Variants in CLRN1 observed in about 807,000 individuals in gnomAD.
The protein encoded by CLRN1 is clarin 1, also known as clarin-1.
CLRN1 carries 15 observed loss-of-function variants against 18.7 expected under a neutral mutation model. The ratio of observed to expected loss-of-function variants is 0.80; its 90% CI spans 0.54 to 1.23. CLRN1 has a LOEUF of 1.23. Ranked by LOEUF, CLRN1 falls within the 50% of genes most tolerant of loss-of-function variation. The pLI is 0.00. For synonymous variants in CLRN1, 104 were observed against 102.9 expected (o/e 1.01, Z -0.07); for missense variants, 311 against 277.5 (o/e 1.12, Z -0.86).
intron 1 of CLRN1, among the ~76,000 whole-genome samples, chr3:150,970,866 G>A (rs867385961): frequency 2.6e-5 from 4 of 152,160 alleles, no homozygotes; most frequent in African/African-American, 7.2e-5. Context: ...AAAATCATTC[G>A]CTAAACCCCA....
intron 1 of CLRN1, chr3:150,945,715 G>C (rs940772989): frequency 9.0e-7 from 1 of 1,107,442 alleles, no homozygotes; most frequent in African/African-American, 1.6e-5. Flanking sequence ...TTAAAACTTT[G>C]AGATACCATT....
intron 1 of CLRN1, among the ~76,000 whole-genome samples, chr3:150,956,387 G>T: frequency 6.6e-6 from 1 of 152,090 alleles, no homozygotes; most frequent in East Asian, 1.9e-4. Flanking sequence ...CCCTCTCCAT[G>T]AAGTCTGGTA....
Position 150,941,745 on chromosome 3 carries a change from G to C in CLRN1, c.270C>G (p.Leu90=), listed in dbSNP as rs143232961. 3 of 1,614,020 alleles carry C rather than the reference G, an allele frequency of 1.9e-6. No individual in the cohort carries two copies. The East Asian group carries it at 6.7e-5, about 36-fold the overall frequency. ...CGTGGATGCTCACTGGGATTGCTTT[G>C]AGCAAATCTGGAAAAACTGAAGATA... is the stretch of plus-strand genomic sequence containing the variant. ...PFRFSFFPDL[L]KAIPVSIHVN... Residue 90 remains leucine (L), a synonymous_variant, in exon 2 of 3, where the codon CTC becomes CTG. Coordinates refer to ENST00000327047, the MANE Select transcript of CLRN1 (RefSeq NM_174878.3).
chr3:150,946,150 G>A (rs1714155160), intron 1 of CLRN1, among the ~76,000 whole-genome samples: 4 of 152,092 alleles, frequency 2.6e-5, no homozygotes, highest in Admixed American at 2.0e-4. Flanking sequence ...AATAAATGAA[G>A]ACATATGTGC....
chr3:150,931,696 T>C (rs1445791918), intron 2 of CLRN1, among the ~76,000 whole-genome samples: 2 of 152,048 alleles, frequency 1.3e-5, no homozygotes, highest in Admixed American at 6.5e-5. Flanking sequence ...GGAAGAGAAG[T>C]GGGTTTTCAT....
At chr3:150,940,600 C>T (rs1713760575) in intron 2 of CLRN1, 1 of 1,299,586 alleles carries the variant, frequency 7.7e-7, no homozygotes, top group Non-Finnish European at 1.0e-6. Context: ...TTCTGTATCC[C>T]TCCATGAAAC....
At chr3:150,964,256 G>A (rs145798276) in intron 1 of CLRN1, among the ~76,000 whole-genome samples, 2 of 152,020 alleles carry the variant, frequency 1.3e-5, no homozygotes, top group South Asian at 2.1e-4. Context: ...GGATATGAAC[G>A]GACACTTCTC....
At chr3:150,936,093 G>T (rs1188880937) in intron 2 of CLRN1, among the ~76,000 whole-genome samples, 5 of 151,966 alleles carry the variant, frequency 3.3e-5, no homozygotes, top group Non-Finnish European at 5.9e-5. Context: ...CATTTTGTGG[G>T]TTGCCTGTTC....
At chr3:150,969,314 T>TATATATATATATATATATA (rs1491446852) in intron 1 of CLRN1, among the ~76,000 whole-genome samples, 7 of 35,872 alleles carry the variant, frequency 2.0e-4, no homozygotes, top group South Asian at 2.8e-3. Context: ...TATATATATA[T>TATATATATATATATATATA]TTTTTTTTTT....
chr3:150,949,874 A>G (rs1024678423), intron 1 of CLRN1, among the ~76,000 whole-genome samples: 8 of 152,234 alleles, frequency 5.3e-5, no homozygotes, highest in African/African-American at 1.4e-4. Flanking sequence ...AGCAAAAAGA[A>G]TAAAGCTGGA....
chr3:150,954,815 G>C (rs201212573), intron 1 of CLRN1, among the ~76,000 whole-genome samples: 1 of 152,118 alleles, frequency 6.6e-6, no homozygotes, highest in Non-Finnish European at 1.5e-5. Context: ...GGTTAATTTT[G>C]TATTTTTGCA....
chr3:150,931,517 C>A (rs946373492), intron 2 of CLRN1, among the ~76,000 whole-genome samples: 3 of 152,152 alleles, frequency 2.0e-5, no homozygotes, highest in Non-Finnish European at 4.4e-5. Flanking sequence ...TAGCCCTGAG[C>A]CCATTTTCAA....
At position 150,926,992 on chromosome 3, in the gene CLRN1, A is replaced by G; in HGVS notation, c.*944T>C. 6.5e-7 allele frequency: 1 copy of G among 1,530,794 alleles called. No homozygotes were observed. Among genetic ancestry groups the G allele is most frequent in the Non-Finnish European group, 8.9e-7 (1 of 1,122,908 alleles). 94.8% of individuals were successfully genotyped at this position (1,530,794 alleles called of 1,614,324 possible). A position where few individuals can be genotyped will look rare whatever the true frequency, so the allele number is the denominator to read the frequency against. On this transcript the variant is annotated 3_prime_UTR_variant, in exon 3 of 3. Transcript: ENST00000327047. ...ATACCGTCATAATCCCAGATTTAATATAATTTTCATAATTGCATATTAGTA... is the reference window on the plus strand; with the variant it reads ...ATACCGTCATAATCCCAGATTTAATGTAATTTTCATAATTGCATATTAGTA...
At chr3:150,965,446 A>G (rs946246008) in intron 1 of CLRN1, among the ~76,000 whole-genome samples, 5 of 152,204 alleles carry the variant, frequency 3.3e-5, no homozygotes, top group African/African-American at 1.2e-4. Context: ...AATTATAGTA[A>G]TTCAATATTA....
intron 1 of CLRN1, among the ~76,000 whole-genome samples, chr3:150,957,847 C>T (rs780670197): frequency 2.0e-5 from 3 of 152,124 alleles, no homozygotes; most frequent in East Asian, 1.9e-4. Context: ...TTAGTAGAGA[C>T]GGGGTTTCAC....
chr3:150,967,270 A>G (rs925754765), intron 1 of CLRN1, among the ~76,000 whole-genome samples: 4 of 152,352 alleles, frequency 2.6e-5, no homozygotes, highest in Non-Finnish European at 5.9e-5. Flanking sequence ...TTGAAATAAT[A>G]GAGCAAACAT....
At position 150,927,146 on chromosome 3, in the gene CLRN1, A is replaced by G. The variant is rs1712843380; in HGVS notation, c.*790T>C. Reference sequence around the variant, plus strand: ...ATGTTCATTGAAAGTACTGTCGTGAATGTAATTGGGACTCAGGCACGGGAG... The same window carrying G: ...ATGTTCATTGAAAGTACTGTCGTGAGTGTAATTGGGACTCAGGCACGGGAG... On this transcript the variant is annotated 3_prime_UTR_variant, in exon 3 of 3. Transcript: ENST00000327047. 3 of 671,910 alleles carry G rather than the reference A, an allele frequency of 4.5e-6. No individual in the cohort carries two copies. The highest frequency in any genetic ancestry group is 8.0e-6 in the Non-Finnish European group (3 of 373,700). The allele number at this position is 671,910 out of a possible 1,614,324, so 41.6% of individuals were successfully genotyped here.
In CLRN1 at chr3:150,927,029, A is replaced by G; in HGVS notation, c.*907T>C. On this transcript the variant is annotated 3_prime_UTR_variant, in exon 3 of 3. Coordinates refer to ENST00000327047, the MANE Select transcript of CLRN1 (RefSeq NM_174878.3). Reference sequence around the variant, plus strand: ...ATTGCATATTAGTACTCGAGACACTATAGCTAGAAAAACAGCCCCTAATAA... The same window carrying G: ...ATTGCATATTAGTACTCGAGACACTGTAGCTAGAAAAACAGCCCCTAATAA... 1 of 1,376,932 alleles carries G rather than the reference A, an allele frequency of 7.3e-7. No individual in the cohort carries two copies. The highest frequency in any genetic ancestry group is 1.0e-6 in the Non-Finnish European group (1 of 995,780). 85.3% of individuals were successfully genotyped at this position (1,376,932 alleles called of 1,614,324 possible).
intron 2 of CLRN1, among the ~76,000 whole-genome samples, chr3:150,934,245 G>T (rs1713325374): frequency 6.6e-6 from 1 of 152,190 alleles, no homozygotes; most frequent in Admixed American, 6.5e-5. Flanking sequence ...TTGTGTATAT[G>T]AATGTGCTTA....
Sources: gnomAD v4.1 joint callset for allele counts (sites outside exome capture counted in the v4.1 genomes callset) on GRCh38, gnomAD v4.1.1 for gene constraint, MANE v1.5 for transcripts, NCBI Gene and HGNC (gene_info 2026-07-23, HGNC 2026-07-21) for gene names.